CCDC88C: variants seen among roughly 807,000 people sequenced by gnomAD.
The protein encoded by CCDC88C is coiled-coil and HOOK domain protein 88C.
CCDC88C carries 131 observed loss-of-function variants against 198.8 expected under a neutral mutation model. The ratio of observed to expected loss-of-function variants is 0.66; its 90% confidence interval spans 0.57 to 0.76. The LOEUF is 0.76. CCDC88C is among the 30% of genes least tolerant of loss of function. The probability of loss-of-function intolerance (pLI) is 0.00; values close to 1 mark genes in which losing one functional copy is unlikely to be tolerated. For synonymous variants in CCDC88C, 1,166 were observed against 1,114.7 expected (o/e 1.05, Z -0.92); for missense variants, 2,553 against 2,631.6 (o/e 0.97, Z 0.65).
rs756202687 is a variant in CCDC88C at position 91,272,867 on chromosome 14, C to T, written c.5845G>A (p.Glu1949Lys). ...CGGACAGGGGTGATGGTGGCCACCT[C>T]CCCTGAGCGTGGGGGCGCCTTGGGC... ...TKPKAPPRSG[E>K]VATITPVRAG... Residue 1949 changes from glutamate to lysine, a missense_variant, in exon 30 of 30, where the codon GAG becomes AAG. Glu to Lys is a moderately conservative substitution (Grantham distance 56). Transcript: ENST00000389857. 4.4e-6 allele frequency: 7 copies of T among 1,592,080 alleles called. No homozygotes were observed. The highest frequency in any genetic ancestry group is 6.0e-6 in the Non-Finnish European group (7 of 1,171,982).
At chr14:91,393,944 T>C (rs952550340) in intron 3 of CCDC88C, among the ~76,000 whole-genome samples, 1 of 152,206 alleles carries the variant, frequency 6.6e-6, no homozygotes, top group African/African-American at 2.4e-5. Context: ...GAAGACCAAT[T>C]GAGCACAAAA....
intron 3 of CCDC88C, among the ~76,000 whole-genome samples, chr14:91,364,637 G>C (rs1388065482): frequency 2.0e-5 from 3 of 152,144 alleles, no homozygotes; most frequent in African/African-American, 7.2e-5. Context: ...GGTGGGCCAG[G>C]ACCCCCTCAG....
Position 91,278,092 on chromosome 14 carries a change from G to A in CCDC88C, c.4888C>T (p.Arg1630Cys), listed in dbSNP as rs373021847. 3 of 1,612,616 alleles carry A rather than the reference G, an allele frequency of 1.9e-6. No homozygotes were observed. Among genetic ancestry groups the A allele is most frequent in the African/African-American group, 1.3e-5 (1 of 75,054 alleles). ...TTCCGAGGCAAGGGGTACTCGTGGC[G>A]GCCGAGGGCGTTGCGTCCCGGTGTG... The part of the protein sequence containing the change: ...ASTPGRNALG[R>C]HEYPLPRNGP... Residue 1630 changes from arginine (R) to cysteine (C), a missense_variant, in exon 29 of 30, where the codon CGC (arginine) becomes TGC (cysteine). By Grantham distance (180) the Arg-to-Cys change is radical. Transcript: ENST00000389857.
intron 3 of CCDC88C, among the ~76,000 whole-genome samples, chr14:91,393,647 T>C (rs944747605): frequency 6.6e-6 from 1 of 152,186 alleles, no homozygotes; most frequent in Non-Finnish European, 1.5e-5. Context: ...ACCTGAAATA[T>C]TCAACTTCCC....
At position 91,279,318 on chromosome 14, in the gene CCDC88C, T is replaced by C. The variant is rs774441216; in HGVS notation, c.4700-12A>G. On this transcript the variant is annotated splice_polypyrimidine_tract_variant and intron_variant, in intron 27 of 29. Transcript: ENST00000389857. ...ACTTGGCCGCGACACTGAAAGGAAA[T>C]GGCAGTGTTAAAATTAAAAAGCCAA... 17 of 1,588,050 alleles carry C rather than the reference T, an allele frequency of 1.1e-5. No homozygotes were observed. The highest frequency in any genetic ancestry group is 1.7e-4 in the Middle Eastern group (1 of 6,054).
intron 3 of CCDC88C, among the ~76,000 whole-genome samples, chr14:91,375,815 G>C (rs956846156): frequency 6.6e-6 from 1 of 152,124 alleles, no homozygotes; most frequent in South Asian, 2.1e-4. Context: ...CGAGTGGGGG[G>C]CAAATGTCTC....
At chr14:91,327,034 C>G (rs185968445) in intron 10 of CCDC88C, among the ~76,000 whole-genome samples, 2 of 152,340 alleles carry the variant, frequency 1.3e-5, no homozygotes, top group South Asian at 4.1e-4. Flanking sequence ...TCCTTTGCTA[C>G]GGGCTTTCTT....
At chr14:91,403,071 C>T (rs529010426) in intron 3 of CCDC88C, among the ~76,000 whole-genome samples, 1 of 152,294 alleles carries the variant, frequency 6.6e-6, no homozygotes, top group East Asian at 1.9e-4. Context: ...GGCCCACCCC[C>T]TTTTGCTTGA....
At chr14:91,400,568 C>T (rs761505605) in intron 3 of CCDC88C, among the ~76,000 whole-genome samples, 8 of 152,238 alleles carry the variant, frequency 5.3e-5, no homozygotes, top group East Asian at 3.8e-4. Context: ...AACCCCACTA[C>T]GATTCCCTCA....
intron 3 of CCDC88C, among the ~76,000 whole-genome samples, chr14:91,397,613 C>T (rs1311709794): frequency 2.0e-5 from 3 of 152,254 alleles, no homozygotes; most frequent in Non-Finnish European, 4.4e-5. Context: ...TGCTTCCTGC[C>T]GCTCTGGGGT....
intron 3 of CCDC88C, among the ~76,000 whole-genome samples, chr14:91,392,927 T>C (rs1007142046): frequency 8.6e-5 from 13 of 151,850 alleles, no homozygotes; most frequent in African/African-American, 2.9e-4. Flanking sequence ...ACGGCGATAA[T>C]GATGTTAAAT....
intron 4 of CCDC88C, among the ~76,000 whole-genome samples, chr14:91,346,696 C>T (rs1027284479): frequency 1.4e-4 from 21 of 152,060 alleles, no homozygotes; most frequent in Non-Finnish European, 7.4e-5. Flanking sequence ...GTCAGGAGTT[C>T]GAAACCAGCC....
intron 3 of CCDC88C, among the ~76,000 whole-genome samples, chr14:91,390,003 C>T (rs187647576): frequency 0.019 from 2,857 of 150,876 alleles, 79 homozygotes; most frequent in African/African-American, 0.057. Context: ...ACCCGGGAGG[C>T]GGAGCTTGCA....
chr14:91,387,401 A>C (rs537840626), intron 3 of CCDC88C, among the ~76,000 whole-genome samples: 1 of 152,312 alleles, frequency 6.6e-6, no homozygotes, highest in East Asian at 1.9e-4. Context: ...TCTTCTTCCA[A>C]AGGCCCAGTC....
chr14:91,361,679 T>C (rs891788670), intron 3 of CCDC88C, among the ~76,000 whole-genome samples: 1 of 152,184 alleles, frequency 6.6e-6, no homozygotes, highest in Non-Finnish European at 1.5e-5. Context: ...TCTCAGCTGG[T>C]AAATATCTGT....
At position 91,339,049 on chromosome 14, in the gene CCDC88C, G is replaced by C. The variant is rs1285790; in HGVS notation, c.809+229C>G. The stretch of plus-strand genomic sequence containing the variant: ...TGTGGACAACTTGCACCGTCTGGAC[G>C]GGAGGAAACCCTGAAGACCGGGAAG... On this transcript the variant is annotated intron_variant, in intron 8 of 29. Coordinates refer to ENST00000389857, the MANE Select transcript of CCDC88C (RefSeq NM_001080414.4). This position sits in a 1 kb window ranked among gnomAD's most constrained non-coding sequence, Gnocchi z 5.8. 6.3e-6 allele frequency: 4 copies of C among 630,502 alleles called. No homozygotes were observed. Among genetic ancestry groups the C allele is most frequent in the Non-Finnish European group, 1.2e-5 (4 of 346,104 alleles). 39.1% of individuals were successfully genotyped at this position (630,502 alleles called of 1,614,324 possible).
chr14:91,279,536 A>T, intron 27 of CCDC88C: 1 of 423,130 alleles, frequency 2.4e-6, no homozygotes, highest in Non-Finnish European at 4.2e-6. Flanking sequence ...TACTCTGCTT[A>T]TCTACATTTA....
At chr14:91,292,267 G>A (rs868728133) in intron 23 of CCDC88C, among the ~76,000 whole-genome samples, 38 of 152,190 alleles carry the variant, frequency 2.5e-4, no homozygotes, top group Non-Finnish European at 4.4e-5. Flanking sequence ...GCTGGGGTTG[G>A]CCCCACAGAC....
At chr14:91,399,200 C>T (rs1350591819) in intron 3 of CCDC88C, among the ~76,000 whole-genome samples, 1 of 152,176 alleles carries the variant, frequency 6.6e-6, no homozygotes, top group African/African-American at 2.4e-5. Context: ...CCATGGCTCC[C>T]ATCTGCATTC....
Sources: allele counts gnomAD v4.1 joint callset (sites outside exome capture counted in the v4.1 genomes callset), GRCh38; gene constraint gnomAD v4.1.1; non-coding constraint Gnocchi (gnomAD v3.1); transcripts MANE v1.5; gene names NCBI Gene and HGNC (gene_info 2026-07-23, HGNC 2026-07-21).